The following TBC1D13 variants were observed in gnomAD, a reference collection of about 807,000 sequenced individuals.
The protein encoded by TBC1D13 is epididymis secretory sperm binding protein.
Under a neutral mutation model 53.6 loss-of-function variants are expected in TBC1D13, and 40 were observed. The observed-to-expected ratio is 0.75, with a 90% CI of 0.58 to 0.97. The LOEUF (loss-of-function observed/expected upper bound fraction) is 0.97. Among genes scored for constraint, TBC1D13 ranks in the 50% least tolerant of loss-of-function variants. The pLI, the probability that TBC1D13 is intolerant of heterozygous loss-of-function variation, is 0.00. For missense variants in TBC1D13, 377 were observed against 499.4 expected (o/e 0.75, Z 2.34); for synonymous variants, 182 against 197.7 (o/e 0.92, Z 0.67).
chr9:128,805,767 G>C (rs1005002427), intron 9 of TBC1D13, 92 bp from the exon 10 acceptor site: 14 of 1,410,184 alleles, frequency 9.9e-6, no homozygotes, highest in East Asian at 2.4e-5. Flanking sequence ...GGGCCCTGCT[G>C]TTCTGAATTC....
chr9:128,787,679 A>C (rs1829453981), intron 1 of TBC1D13, among the ~76,000 whole-genome samples: 1 of 102,618 alleles, frequency 9.7e-6, no homozygotes, highest in Non-Finnish European at 1.8e-5. Context: ...CCCCCTTTTG[A>C]TCCCCCTGCT....
Position 128,787,391 on chromosome 9 carries a change from G to A in TBC1D13, c.23+15G>A. The A allele has an allele frequency of 8.0e-7, 1 of 1,257,822 alleles. No individual in the cohort carries two copies. The highest frequency in any genetic ancestry group is 1.0e-6 in the Non-Finnish European group (1 of 993,336). 77.9% of individuals were successfully genotyped at this position (1,257,822 alleles called of 1,614,324 possible). On this transcript the variant is annotated intron_variant, in intron 1 of 11. Coordinates refer to ENST00000372648, the MANE Select transcript of TBC1D13 (RefSeq NM_018201.5). ...CACAAGAGCCGGTAAGGGGCCATGG[G>A]GCCTGACCCGGCTGGGCCACTCCTG... is the stretch of plus-strand genomic sequence containing the variant.
intron 6 of TBC1D13, among the ~76,000 whole-genome samples, chr9:128,794,244 C>T (rs1829585545): frequency 6.6e-6 from 1 of 152,202 alleles, no homozygotes; most frequent in Admixed American, 6.5e-5. Context: ...CCTTGCCACC[C>T]TGGGTGCTGC....
At chr9:128,802,202 TACGCC>T (rs1022674041) in intron 7 of TBC1D13, among the ~76,000 whole-genome samples, 17 of 133,546 alleles carry the variant, frequency 1.3e-4, no homozygotes, top group African/African-American at 4.0e-4. Context: ...ATTACAGGTA[TACGCC>T]ACCACGCCTG....
chr9:128,809,562 G>A lies in TBC1D13; in HGVS notation c.*1683G>A, dbSNP rs1388721260. On this transcript the variant is annotated 3_prime_UTR_variant, in exon 12 of 12. Coordinates refer to ENST00000372648, the MANE Select transcript of TBC1D13 (RefSeq NM_018201.5). ...GCACCTGCCTGTCTCCTCTCCCAGA[G>A]CACAGTATTTGGGAGACTTTGACTA... 1 of 152,244 alleles carries A rather than the reference G, an allele frequency of 6.6e-6. No individual in the cohort carries two copies. Among genetic ancestry groups the A allele is most frequent in the Non-Finnish European group, 1.5e-5 (1 of 68,052 alleles). The allele number at this position is 152,244 out of a possible 1,614,324, so 9.4% of individuals were successfully genotyped here. A position where few individuals can be genotyped will look rare whatever the true frequency, so the allele number is the denominator to read the frequency against.
At position 128,803,276 on chromosome 9, in the gene TBC1D13, G is replaced by C. The variant is rs758680104; in HGVS notation, c.570G>C (p.Val190=). The C allele has an allele frequency of 2.5e-6, 4 of 1,614,044 alleles. No homozygotes were observed. The African/African-American group carries it at 5.3e-5, about 22-fold the overall frequency. Residue 190 remains valine, a synonymous_variant, in exon 8 of 12, where the codon GTG becomes GTC. Coordinates refer to ENST00000372648, the MANE Select transcript of TBC1D13 (RefSeq NM_018201.5). ...TGAGCTCCCCACACAAGAACTCTGT[G>C]CCATCATCCCTAAATGAGTATGAGG... The part of the protein sequence containing the change: ...TNMSSPHKNS[V]PSSLNEYEVL...
At chr9:128,789,808 T>TAG in intron 2 of TBC1D13, 1 of 96,326 alleles carries the variant, frequency 1.0e-5, no homozygotes, top group African/African-American at 4.9e-5. Context: ...TATATATATA[T>TAG]ATATAATAAT....
chr9:128,788,507 G>A, intron 2 of TBC1D13, 100 bp downstream of exon 2: 2 of 1,036,500 alleles, frequency 1.9e-6, no homozygotes, highest in Admixed American at 2.0e-5. Context: ...CCCAGCTGCT[G>A]GGGGCTGGGG....
chr9:128,803,974 C>T lies in TBC1D13; in HGVS notation c.773C>T (p.Thr258Ile). The change falls in exon 9 of 12, where the codon ACC becomes ATC. Residue 258 changes from threonine (T) to isoleucine (I), a missense_variant. Thr to Ile is a moderately conservative substitution (Grantham distance 89). Transcript: ENST00000372648. ...SEWKEHAEAD[T>I]FFCFTNLMAE... ...CTCCCAGAGCACGCCGAGGCAGACA[C>T]CTTTTTCTGCTTCACCAACCTCATG... The T allele has an allele frequency of 6.2e-7, 1 of 1,613,412 alleles. No individual in the cohort carries two copies. Among genetic ancestry groups the T allele is most frequent in the Non-Finnish European group, 8.5e-7 (1 of 1,180,022 alleles).
At chr9:128,790,205 A>G (rs1037058407) in intron 2 of TBC1D13, among the ~76,000 whole-genome samples, 1 of 148,650 alleles carries the variant, frequency 6.7e-6, no homozygotes. Flanking sequence ...TGCAGTGAGC[A>G]GAAATCACGC....
intron 6 of TBC1D13, among the ~76,000 whole-genome samples, chr9:128,795,280 G>A (rs2417121): frequency 0.95 from 141,060 of 147,900 alleles, 67,353 homozygotes; most frequent in Non-Finnish European, 0.96. Context: ...GTGCACTGGC[G>A]CAATCTTGGC....
chr9:128,806,156 C>A (rs541006590), intron 10 of TBC1D13, 98 bp from the exon 11 acceptor site: 2 of 1,598,368 alleles, frequency 1.3e-6, no homozygotes, highest in Non-Finnish European at 1.7e-6. Context: ...CTTGGGAGGG[C>A]GACAAACCAA....
intron 7 of TBC1D13, among the ~76,000 whole-genome samples, chr9:128,801,029 C>G (rs1368068836): frequency 6.6e-6 from 1 of 152,084 alleles, no homozygotes; most frequent in Non-Finnish European, 1.5e-5. Flanking sequence ...AAAAAAATGC[C>G]AGGCGTGGTG....
At chr9:128,787,696 C>G (rs1329042893) in intron 1 of TBC1D13, among the ~76,000 whole-genome samples, 3 of 147,268 alleles carry the variant, frequency 2.0e-5, no homozygotes, top group Non-Finnish European at 3.0e-5. Flanking sequence ...TGCTCCCGTA[C>G]TCTCTCCAAG....
rs776971367 is a variant in TBC1D13, at chr9:128,805,838, C to T, written c.919-21C>T. 7 of 1,608,188 alleles carry T rather than the reference C, an allele frequency of 4.4e-6. No homozygotes were observed. The African/African-American group carries it at 8.0e-5, about 18-fold the overall frequency. ...AGCCAACACAGAGTCATGCCCCCCACCCCCCACGCTGTCTCCCCAGCAAGA... is the reference window on the plus strand; with the variant it reads ...AGCCAACACAGAGTCATGCCCCCCATCCCCCACGCTGTCTCCCCAGCAAGA... On this transcript the variant is annotated intron_variant, in intron 9 of 11. Coordinates refer to ENST00000372648, the MANE Select transcript of TBC1D13 (RefSeq NM_018201.5).
Position 128,806,322 on chromosome 9 carries a change from T to G in TBC1D13, c.1137+11T>G, listed in dbSNP as rs760400275. On this transcript the variant is annotated intron_variant, in intron 11 of 11. Coordinates refer to ENST00000372648, the MANE Select transcript of TBC1D13 (RefSeq NM_018201.5). ...ATGCGGCTGCTGCAGGTAATGGGAG[T>G]TGGGGGCAGGCTCAGCCACTGCCAT... 1 of 1,613,788 alleles carries G rather than the reference T, an allele frequency of 6.2e-7. No individual in the cohort carries two copies. Among genetic ancestry groups the G allele is most frequent in the South Asian group, 1.1e-5 (1 of 91,070 alleles).
chr9:128,801,450 C>A (rs945179112), intron 7 of TBC1D13, among the ~76,000 whole-genome samples: 1 of 151,962 alleles, frequency 6.6e-6, no homozygotes, highest in Non-Finnish European at 1.5e-5. Context: ...GAGGCTGAGG[C>A]GGGCGGATCA....
At chr9:128,798,082 G>C (rs1438412732) in intron 7 of TBC1D13, among the ~76,000 whole-genome samples, 1 of 151,894 alleles carries the variant, frequency 6.6e-6, no homozygotes, top group Non-Finnish European at 1.5e-5. Context: ...GTGAAACCTT[G>C]TCTCTACTAA....
At chr9:128,801,331 T>C (rs1020121856) in intron 7 of TBC1D13, among the ~76,000 whole-genome samples, 11 of 152,114 alleles carry the variant, frequency 7.2e-5, no homozygotes, top group African/African-American at 2.7e-4. Flanking sequence ...GGTCTCTTGA[T>C]TTGGACTAGG....
Sources: allele counts gnomAD v4.1 joint callset (sites outside exome capture counted in the v4.1 genomes callset), GRCh38; gene constraint gnomAD v4.1.1; transcripts MANE v1.5; gene names NCBI Gene and HGNC (gene_info 2026-07-23, HGNC 2026-07-21).